Variants in CAPN2 observed in about 807,000 individuals in gnomAD.
CAPN2 encodes the protein calpain-2 catalytic subunit.
A neutral mutation model predicts 102.3 loss-of-function variants in CAPN2; 92 were observed. The observed-to-expected ratio is 0.90, with a 90% CI of 0.76 to 1.07. The LOEUF (loss-of-function observed/expected upper bound fraction) is 1.07, where lower values mean the gene tolerates loss of function less well. Ranked by LOEUF, CAPN2 falls within the 50% of genes least tolerant of loss-of-function variation. CAPN2 has a pLI of 0.00. For missense variants in CAPN2, 800 were observed against 909.4 expected, an observed-to-expected ratio of 0.88 and a Z score of 1.55; for synonymous variants, 340 against 355.4, an observed-to-expected ratio of 0.96 and a Z score of 0.49.
Position 223,722,290 on chromosome 1 carries a change from T to TC in CAPN2, c.307+4459_307+4460insC, listed in dbSNP as rs1244818286. Among the ~76,000 whole-genome samples the TC allele has an allele frequency of 4.9e-4, 47 of 96,668 alleles. 1 individual carries two copies. The highest frequency in any genetic ancestry group is 4.4e-3 in the Admixed American group (45 of 10,166). The allele number at this position is 96,668 out of a possible 152,430, so 63.4% of individuals were successfully genotyped here. A position where few individuals can be genotyped will look rare whatever the true frequency, so the allele number is the denominator to read the frequency against. ...TTCTTTTTCTTTCTTTCTTTTTTTT[T>TC]TTTTTTTTTTTTTTTGAGACAGGGT... On this transcript the variant is annotated intron_variant, in intron 2 of 20. Transcript: ENST00000295006.
intron 1 of CAPN2, among the ~76,000 whole-genome samples, chr1:223,703,900 C>T (rs560218749): frequency 8.9e-4 from 135 of 152,304 alleles, no homozygotes; most frequent in African/African-American, 3.2e-3. Flanking sequence ...TTCCCAAATT[C>T]ATTTGATCAC....
At position 223,727,780 on chromosome 1, in the gene CAPN2, T is replaced by C. The variant is rs1660237753; in HGVS notation, c.307+9949T>C. Among the ~76,000 whole-genome samples the C allele has an allele frequency of 6.6e-6, 1 of 152,154 alleles. No individual in the cohort carries two copies. Among genetic ancestry groups the C allele is most frequent in the Admixed American group, 6.5e-5 (1 of 15,272 alleles). On this transcript the variant is annotated intron_variant, in intron 2 of 20. Transcript: ENST00000295006. The surrounding 1 kb of genome is among the most constrained non-coding windows in gnomAD (Gnocchi z 4.1). ...GGGAGGGGAGCTTCAAGCTTCCCAC[T>C]AGCATTGGGAGGAACACAGCAAAGG...
intron 16 of CAPN2, among the ~76,000 whole-genome samples, chr1:223,768,955 T>C (rs1052089860): frequency 1.5e-4 from 23 of 152,170 alleles, no homozygotes; most frequent in African/African-American, 5.1e-4. Context: ...AGGGCTACTT[T>C]CATGAGGATC....
intron 2 of CAPN2, among the ~76,000 whole-genome samples, chr1:223,722,479 T>C (rs1660078851): frequency 6.6e-6 from 1 of 151,574 alleles, no homozygotes; most frequent in South Asian, 2.1e-4. Flanking sequence ...TGTGTGGAGA[T>C]GGGGTCTCAC....
intron 17 of CAPN2, 88 bp downstream of exon 17, chr1:223,769,997 G>A (rs2102816724): frequency 9.6e-7 from 1 of 1,038,342 alleles, no homozygotes; most frequent in East Asian, 2.6e-5. Flanking sequence ...ACAGAGTGGA[G>A]AAACATTTCC....
chr1:223,729,763 G>A (rs1157688607), intron 2 of CAPN2, among the ~76,000 whole-genome samples: 1 of 152,122 alleles, frequency 6.6e-6, no homozygotes, highest in Non-Finnish European at 1.5e-5. Flanking sequence ...AGCACTTTGG[G>A]AGGCCAAGGC....
chr1:223,759,386 G>T lies in CAPN2; in HGVS notation c.1434G>T (p.Pro478=), dbSNP rs764806664. The T allele has an allele frequency of 6.8e-6, 11 of 1,614,174 alleles. No homozygotes were observed. The East Asian group carries it at 8.9e-5, about 13-fold the overall frequency. The change falls in exon 12 of 21, where the codon CCG becomes CCT. Residue 478 remains proline, a synonymous_variant. Coordinates refer to ENST00000295006, the MANE Select transcript of CAPN2 (RefSeq NM_001748.5). The surrounding 1 kb of genome is among the most constrained non-coding windows in gnomAD (Gnocchi z 4.6). ...AGGTGCTCAACCGCTTCAAGCTGCCGCCAGGAGAGTACATTCTCGTGCCTT... is the reference window on the plus strand; with the variant it reads ...AGGTGCTCAACCGCTTCAAGCTGCCTCCAGGAGAGTACATTCTCGTGCCTT... ...LREVLNRFKL[P]PGEYILVPST...
At chr1:223,719,073 C>T (rs1659959562) in intron 2 of CAPN2, among the ~76,000 whole-genome samples, 1 of 152,196 alleles carries the variant, frequency 6.6e-6, no homozygotes, top group African/African-American at 2.4e-5. Context: ...TCCTGAGATG[C>T]CAGAGCACAT....
At chr1:223,771,552 GA>G (rs1384774868) in intron 18 of CAPN2, 1 of 424,522 alleles carries the variant, frequency 2.4e-6, no homozygotes, top group Non-Finnish European at 4.2e-6. Flanking sequence ...CTGTGACCAT[GA>G]GAACAGAAAC....
intron 16 of CAPN2, among the ~76,000 whole-genome samples, chr1:223,769,368 A>C (rs2102816324): frequency 6.6e-6 from 1 of 152,078 alleles, no homozygotes; most frequent in East Asian, 1.9e-4. Flanking sequence ...TGATCTGCCC[A>C]CCTTGGCCTC....
chr1:223,723,392 C>T (rs1336415533), intron 2 of CAPN2, among the ~76,000 whole-genome samples: 1 of 152,136 alleles, frequency 6.6e-6, no homozygotes, highest in African/African-American at 2.4e-5. Context: ...TAGATGTTGG[C>T]TGGTTTGATG....
rs1211625473 is a variant in CAPN2 at position 223,727,071 on chromosome 1, T to G, written c.307+9240T>G. Among the ~76,000 whole-genome samples, 1 of 152,190 alleles carries G rather than the reference T, an allele frequency of 6.6e-6. No individual in the cohort carries two copies. The highest frequency in any genetic ancestry group is 1.5e-5 in the Non-Finnish European group (1 of 68,032). ...TGGCTCTCCGCCTTCTTGGGCTGCC[T>G]AGGACCTTGAGAGATGTGTCTCTCT... On this transcript the variant is annotated intron_variant, in intron 2 of 20. Transcript: ENST00000295006. This position sits in a 1 kb window ranked among gnomAD's most constrained non-coding sequence, Gnocchi z 4.1.
At chr1:223,767,458 C>CGATA (rs1661367660) in intron 16 of CAPN2, among the ~76,000 whole-genome samples, 1 of 143,228 alleles carries the variant, frequency 7.0e-6, no homozygotes, top group Admixed American at 7.0e-5. Context: ...TTTGTTCTTG[C>CGATA]GATAGTTTAC....
Position 223,719,827 on chromosome 1 carries a change from TGTGTGC to T in CAPN2, c.307+1998_307+2003del, listed in dbSNP as rs1340372619. ...GTGCGTGTGTGTGTGTGTGTGTGTG[TGTGTGC>T]GCGCGCGCGCGTATAATGCAGTATT... On this transcript the variant is annotated intron_variant, in intron 2 of 20. Coordinates refer to ENST00000295006, the MANE Select transcript of CAPN2 (RefSeq NM_001748.5). Among the ~76,000 whole-genome samples, 440 of 151,592 alleles carry T rather than the reference TGTGTGC, an allele frequency of 2.9e-3. 1 individual carries two copies. Among genetic ancestry groups the T allele is most frequent in the African/African-American group, 0.01 (420 of 41,182 alleles).
chr1:223,725,205 T>A lies in CAPN2; in HGVS notation c.307+7374T>A, dbSNP rs1660158018. Among the ~76,000 whole-genome samples, 1 of 152,040 alleles carries A rather than the reference T, an allele frequency of 6.6e-6. No individual in the cohort carries two copies. Reference sequence around the variant, plus strand: ...GGCTAACACGGTGAAAACCCATCTCTACAAAACTACAATATGAAATACAAA... The same window carrying A: ...GGCTAACACGGTGAAAACCCATCTCAACAAAACTACAATATGAAATACAAA... On this transcript the variant is annotated intron_variant, in intron 2 of 20. Transcript: ENST00000295006. This position sits in a 1 kb window ranked among gnomAD's most constrained non-coding sequence, Gnocchi z 4.1.
intron 6 of CAPN2, among the ~76,000 whole-genome samples, chr1:223,750,677 T>C (rs1403033785): frequency 6.6e-6 from 1 of 152,330 alleles, no homozygotes; most frequent in East Asian, 1.9e-4. Flanking sequence ...TTAAATCTCA[T>C]TTTCCAAAGC....
rs1298244144 is a variant in CAPN2, at chr1:223,759,544, C to T, written c.1529+63C>T. 2.9e-5 allele frequency: 41 copies of T among 1,433,296 alleles called. No homozygotes were observed. The East Asian group carries it at 3.0e-4, about 10-fold the overall frequency. The allele number at this position is 1,433,296 out of a possible 1,614,324, so 88.8% of individuals were successfully genotyped here. A position where few individuals can be genotyped will look rare whatever the true frequency, so the allele number is the denominator to read the frequency against. On this transcript the variant is annotated intron_variant, in intron 12 of 20. Coordinates refer to ENST00000295006, the MANE Select transcript of CAPN2 (RefSeq NM_001748.5). This position sits in a 1 kb window ranked among gnomAD's most constrained non-coding sequence, Gnocchi z 4.6. ...TGTCCCTCCCCACTGGTCTGTTCCT[C>T]GGCCCCTAGAGGGCTCTTTCATCCT...
intron 2 of CAPN2, among the ~76,000 whole-genome samples, chr1:223,724,780 G>A (rs929185172): frequency 6.6e-6 from 1 of 152,094 alleles, no homozygotes; most frequent in East Asian, 1.9e-4. Flanking sequence ...GACCAGCCAA[G>A]CAACATAATG....
upstream of CAPN2, among the ~76,000 whole-genome samples, chr1:223,711,230 C>A (rs1659719837): frequency 6.6e-6 from 1 of 152,156 alleles, no homozygotes; most frequent in Non-Finnish European, 1.5e-5. Context: ...CTGCTGTAGA[C>A]CATGCACAGT....
Sources: allele counts gnomAD v4.1 joint callset (sites outside exome capture counted in the v4.1 genomes callset), GRCh38; gene constraint gnomAD v4.1.1; non-coding constraint Gnocchi (gnomAD v3.1); transcripts MANE v1.5; gene names NCBI Gene and HGNC (gene_info 2026-07-23, HGNC 2026-07-21).